PHF24: variants seen among roughly 807,000 people sequenced by gnomAD.
The protein encoded by PHF24 is PHD finger protein 24.
Under a neutral mutation model 42.6 loss-of-function variants are expected in PHF24, and 25 were observed. The ratio of observed to expected loss-of-function variants is 0.59; its 90% CI spans 0.43 to 0.82. The LOEUF is 0.82. Ranked by LOEUF, PHF24 falls within the 40% of genes least tolerant of loss-of-function variation. The pLI, the probability that PHF24 is intolerant of heterozygous loss-of-function variation, is 0.00. For missense variants in PHF24, 470 were observed against 538.1 expected (o/e 0.87, Z 1.25); for synonymous variants, 185 against 204.8 (o/e 0.90, Z 0.83).
the PHF24 span, among the ~76,000 whole-genome samples, chr9:34,931,375 C>CAAAAAAAA: frequency 1.2e-5 from 1 of 82,882 alleles, no homozygotes; most frequent in African/African-American, 5.2e-5. Context: ...GACTCTGTAT[C>CAAAAAAAA]AAAAAAAAAA....
At chr9:34,922,766 TACA>T in the PHF24 span, 3 of 1,592,334 alleles carry the variant, frequency 1.9e-6, no homozygotes, top group Non-Finnish European at 1.7e-6. Flanking sequence ...TACGGGCTCC[TACA>T]ACATTTTTAT....
chr9:34,780,583 CTG>C, the PHF24 span, among the ~76,000 whole-genome samples: 5 of 152,104 alleles, frequency 3.3e-5, no homozygotes, highest in African/African-American at 1.2e-4. Context: ...CTGCACCTAG[CTG>C]GCAATAGTTT....
chr9:34,815,212 C>T, the PHF24 span, among the ~76,000 whole-genome samples: 1 of 152,224 alleles, frequency 6.6e-6, no homozygotes, highest in African/African-American at 2.4e-5. Flanking sequence ...TGGTTGCTTC[C>T]GCACAATTTC....
the PHF24 span, among the ~76,000 whole-genome samples, chr9:34,885,209 G>A: frequency 1.3e-5 from 2 of 152,176 alleles, no homozygotes; most frequent in Non-Finnish European, 2.9e-5. Flanking sequence ...GTGACTTCAT[G>A]GCCTGGAGGC....
At chr9:34,936,830 T>C in the PHF24 span, among the ~76,000 whole-genome samples, 10 of 143,084 alleles carry the variant, frequency 7.0e-5, no homozygotes, top group South Asian at 4.6e-4. Context: ...ACCCTCTGCC[T>C]GGCAACCGCC....
At chr9:34,775,422 C>T in the PHF24 span, among the ~76,000 whole-genome samples, 5 of 152,202 alleles carry the variant, frequency 3.3e-5, no homozygotes, top group Admixed American at 1.3e-4. Flanking sequence ...ATGTGTACAG[C>T]GTTCCAGTTG....
the PHF24 span, among the ~76,000 whole-genome samples, chr9:34,667,072 T>C: frequency 1.3e-5 from 2 of 152,172 alleles, no homozygotes; most frequent in African/African-American, 4.8e-5. Flanking sequence ...GCAGGCTGGC[T>C]GGAAGAAGTA....
the PHF24 span, among the ~76,000 whole-genome samples, chr9:34,800,464 A>G: frequency 6.6e-6 from 1 of 152,210 alleles, no homozygotes; most frequent in Non-Finnish European, 1.5e-5. Flanking sequence ...TGGTACCAAA[A>G]CAGATATATA....
chr9:34,797,531 C>T, the PHF24 span, among the ~76,000 whole-genome samples: 2 of 152,238 alleles, frequency 1.3e-5, no homozygotes, highest in African/African-American at 4.8e-5. Context: ...CCTAGACTCT[C>T]CTCCGACTGC....
the PHF24 span, among the ~76,000 whole-genome samples, chr9:34,753,726 C>T: frequency 1.8e-4 from 28 of 152,098 alleles, no homozygotes; most frequent in African/African-American, 6.8e-4. Flanking sequence ...ATCACATTAC[C>T]TGACTTCAAA....
the PHF24 span, among the ~76,000 whole-genome samples, chr9:34,762,351 A>G: frequency 2.0e-5 from 3 of 149,530 alleles, no homozygotes; most frequent in Admixed American, 2.0e-4. Context: ...CATCCTCTCC[A>G]GCACCTGTTG....
the PHF24 span, chr9:34,690,077 C>T: frequency 6.3e-7 from 1 of 1,591,048 alleles, no homozygotes; most frequent in Non-Finnish European, 8.6e-7. Context: ...TGCCTGGGGA[C>T]CATGTCTGGG....
At chr9:34,764,172 G>A in the PHF24 span, among the ~76,000 whole-genome samples, 1 of 152,150 alleles carries the variant, frequency 6.6e-6, no homozygotes, top group African/African-American at 2.4e-5. Context: ...TTTTGGTTGT[G>A]TCTCTGCCCG....
At chr9:34,711,848 T>C in the PHF24 span, among the ~76,000 whole-genome samples, 1 of 152,194 alleles carries the variant, frequency 6.6e-6, no homozygotes, top group East Asian at 1.9e-4. Flanking sequence ...CAGCCTGCTA[T>C]GTTGTTATGT....
At chr9:34,672,610 C>T in the PHF24 span, among the ~76,000 whole-genome samples, 1 of 152,088 alleles carries the variant, frequency 6.6e-6, no homozygotes, top group Admixed American at 6.5e-5. Flanking sequence ...CAGGGCATCA[C>T]ATGGTGAGGG....
the PHF24 span, among the ~76,000 whole-genome samples, chr9:34,932,156 C>CT: frequency 2.0e-5 from 3 of 152,160 alleles, no homozygotes; most frequent in Non-Finnish European, 2.9e-5. Flanking sequence ...CTGCTTCTGT[C>CT]TATCATCTGT....
the PHF24 span, chr9:34,833,050 T>C: frequency 7.7e-6 from 12 of 1,550,166 alleles, no homozygotes; most frequent in African/African-American, 1.7e-4. Context: ...GCATCCCTGC[T>C]GGCCTCTGGT....
At chr9:34,923,224 C>A in the PHF24 span, among the ~76,000 whole-genome samples, 1 of 152,062 alleles carries the variant, frequency 6.6e-6, no homozygotes, top group East Asian at 1.9e-4. Flanking sequence ...CCCACTTGAT[C>A]ATGATCTTTT....
At chr9:34,694,783 A>G in the PHF24 span, among the ~76,000 whole-genome samples, 3 of 152,184 alleles carry the variant, frequency 2.0e-5, no homozygotes, top group African/African-American at 7.2e-5. Context: ...TGCCCCTTCA[A>G]GCCTTTGTAT....
Sources: gnomAD v4.1 joint callset for allele counts (sites outside exome capture counted in the v4.1 genomes callset) on GRCh38, gnomAD v4.1.1 for gene constraint, MANE v1.5 for transcripts, NCBI Gene and HGNC (gene_info 2026-07-23, HGNC 2026-07-21) for gene names.